NHSL2: variants seen among roughly 807,000 people sequenced by gnomAD.
The protein encoded by NHSL2 is NHS like 2, also known as NHS-like protein 2.
A neutral mutation model predicts 53.4 loss-of-function variants in NHSL2; 27 were observed. The ratio of observed to expected loss-of-function variants is 0.51; its 90% CI spans 0.37 to 0.70. NHSL2 has a LOEUF of 0.70. Among genes scored for constraint, NHSL2 ranks in the 30% least tolerant of loss-of-function variants. The pLI is 0.00. For synonymous variants in NHSL2, 408 were observed against 404.1 expected (o/e 1.01, Z -0.12); for missense variants, 892 against 980.1 (o/e 0.91, Z 1.20).
In NHSL2 at chrX:72,114,584, G is replaced by C. The variant is rs182388510; in HGVS notation, c.281-17495G>C. 3.4e-3 allele frequency among the ~76,000 whole-genome samples: 381 copies of C among 111,997 alleles called. 2 individuals carry two copies. Among genetic ancestry groups the C allele is most frequent in the African/African-American group, 0.011 (352 of 30,840 alleles). ...GGGAGTAACGTAAACTGCAACAAAG[G>C]TCACAGTCAATCCAAAGGGGAAGCT... On this transcript the variant is annotated intron_variant, in intron 1 of 7. Transcript: ENST00000633930.
intron 1 of NHSL2, among the ~76,000 whole-genome samples, chrX:71,964,583 T>G (rs772807941): frequency 6.5e-4 from 73 of 111,539 alleles, no homozygotes; most frequent in Non-Finnish European, 1.3e-3. Flanking sequence ...CAAAAACTGG[T>G]CCAATCAAAT....
At chrX:72,065,518 G>C (rs2042423508) in intron 1 of NHSL2, among the ~76,000 whole-genome samples, 2 of 111,690 alleles carry the variant, frequency 1.8e-5, no homozygotes, top group African/African-American at 3.3e-5. Context: ...AGGGGTGATG[G>C]GATTTGGGCT....
At chrX:72,142,566 G>A (rs2042426421) in intron 7 of NHSL2, among the ~76,000 whole-genome samples, 1 of 111,330 alleles carries the variant, frequency 9.0e-6, no homozygotes, top group African/African-American at 3.3e-5. Context: ...CGCAGTCCAG[G>A]GCCTCGCATC....
At chrX:72,116,580 T>C (rs991711282) in intron 1 of NHSL2, among the ~76,000 whole-genome samples, 14 of 112,204 alleles carry the variant, frequency 1.2e-4, no homozygotes, top group Non-Finnish European at 2.6e-4. Context: ...GAGGCTACTA[T>C]AGAGGACTCA....
intron 1 of NHSL2, among the ~76,000 whole-genome samples, chrX:71,917,927 C>T (rs1174958428): frequency 1.8e-5 from 2 of 111,819 alleles, no homozygotes; most frequent in Non-Finnish European, 1.9e-5. Flanking sequence ...CCTGTTTGTT[C>T]GTCAGGGAGT....
chrX:72,127,630 G>GCCTCGAAGAATAGCAGGTCC (rs374321758), intron 1 of NHSL2: 57,308 of 103,364 alleles, frequency 0.55, 15,758 homozygotes, highest in Non-Finnish European at 0.77. Context: ...AGGGTCCACT[G>GCCTCGAAGAATAGCAGGTCC]CCTCGAAGAA....
intron 1 of NHSL2, among the ~76,000 whole-genome samples, chrX:71,914,994 A>G (rs950291234): frequency 2.7e-5 from 3 of 109,331 alleles, no homozygotes; most frequent in Non-Finnish European, 3.8e-5. Context: ...GGAGAAGCAA[A>G]CCCATTTTCT....
At chrX:72,131,265 TG>T in intron 1 of NHSL2, 2 of 1,196,617 alleles carry the variant, frequency 1.7e-6, no homozygotes, top group Non-Finnish European at 2.3e-6. Flanking sequence ...GCTCCGCGCG[TG>T]GGGGAGGCCG....
intron 1 of NHSL2, among the ~76,000 whole-genome samples, chrX:71,913,856 G>C (rs1041091163): frequency 2.7e-5 from 3 of 112,462 alleles, no homozygotes; most frequent in Non-Finnish European, 1.9e-5. Context: ...GGAGGAGCGA[G>C]ATAGAGGAGG....
intron 1 of NHSL2, among the ~76,000 whole-genome samples, chrX:72,046,342 G>C (rs904994350): frequency 8.9e-6 from 1 of 112,051 alleles, no homozygotes; most frequent in Non-Finnish European, 1.9e-5. Context: ...CATATACTGA[G>C]TAGAGGCATT....
At chrX:72,086,683 CAAAAAAAAA>C (rs34481140) in intron 1 of NHSL2, among the ~76,000 whole-genome samples, 2 of 22,486 alleles carry the variant, frequency 8.9e-5, no homozygotes, top group Admixed American at 7.7e-4. Context: ...AACTCCATCT[CAAAAAAAAA>C]AAAAAAAAAA....
chrX:72,038,878 A>G (rs1057252073), intron 1 of NHSL2, among the ~76,000 whole-genome samples: 1 of 111,681 alleles, frequency 9.0e-6, no homozygotes, highest in Admixed American at 9.5e-5. Flanking sequence ...AACATAGGAG[A>G]TAAGACTAAG....
intron 1 of NHSL2, among the ~76,000 whole-genome samples, chrX:72,040,421 C>T (rs2042267566): frequency 8.9e-6 from 1 of 112,498 alleles, no homozygotes; most frequent in Non-Finnish European, 1.9e-5. Flanking sequence ...CTCATTCACA[C>T]TCTGTAATGA....
chrX:71,979,713 C>T (rs1335294213), intron 1 of NHSL2, among the ~76,000 whole-genome samples: 1 of 111,617 alleles, frequency 9.0e-6, no homozygotes, highest in Non-Finnish European at 1.9e-5. Flanking sequence ...CTGTAGGTTG[C>T]CTGTTCACTC....
chrX:71,922,524 G>A (rs1351692333), intron 1 of NHSL2, among the ~76,000 whole-genome samples: 1 of 112,315 alleles, frequency 8.9e-6, no homozygotes, highest in Non-Finnish European at 1.9e-5. Flanking sequence ...ATCAAGAATA[G>A]GCTGTAGGTG....
chrX:72,138,878 G>T lies in NHSL2; in HGVS notation c.1330G>T (p.Ala444Ser). The part of the protein sequence containing the change: ...VPKEAATLLV[A>S]RDNPAGCSGS... Reference sequence around the variant, plus strand: ...TAAGGAGGCTGCTACCCTCCTTGTCGCTCGTGATAACCCAGCAGGATGCAG... The same window carrying T: ...TAAGGAGGCTGCTACCCTCCTTGTCTCTCGTGATAACCCAGCAGGATGCAG... The change falls in exon 6 of 8, where the codon GCT (alanine) becomes TCT (serine). Residue 444 changes from alanine (A) to serine (S), a missense_variant. Transcript: ENST00000633930. The T allele has an allele frequency of 8.3e-7, 1 of 1,210,042 alleles. No homozygotes were observed. Among genetic ancestry groups the T allele is most frequent in the South Asian group, 1.8e-5 (1 of 56,728 alleles).
intron 1 of NHSL2, among the ~76,000 whole-genome samples, chrX:72,028,214 A>C (rs2042196332): frequency 8.9e-6 from 1 of 111,890 alleles, no homozygotes; most frequent in South Asian, 3.7e-4. Context: ...TACTTTTTTC[A>C]ACTTTGTTGG....
intron 1 of NHSL2, among the ~76,000 whole-genome samples, chrX:71,923,921 C>A (rs1653964196): frequency 1.8e-5 from 2 of 112,121 alleles, no homozygotes; most frequent in South Asian, 7.5e-4. Context: ...TTTAAATGGG[C>A]TTTGAAATGG....
chrX:72,143,685 A>G lies in NHSL2; in HGVS notation c.*111A>G. The stretch of plus-strand genomic sequence containing the variant: ...ACAACAGAGCCTACATTTCTTTTAT[A>G]TTAACTCACACTCTGGACAGCAGGA... On this transcript the variant is annotated 3_prime_UTR_variant, in exon 8 of 8. Transcript: ENST00000633930. 2.0e-6 allele frequency: 1 copy of G among 495,470 alleles called. No homozygotes were observed. The allele number at this position is 495,470 out of a possible 1,213,427, so 40.8% of individuals were successfully genotyped here. A position where few individuals can be genotyped will look rare whatever the true frequency, so the allele number is the denominator to read the frequency against.
Sources: gnomAD v4.1 joint callset for allele counts (sites outside exome capture counted in the v4.1 genomes callset) on GRCh38, gnomAD v4.1.1 for gene constraint, MANE v1.5 for transcripts, NCBI Gene and HGNC (gene_info 2026-07-23, HGNC 2026-07-21) for gene names.